Variants in GALNT13 observed in about 807,000 individuals in gnomAD.
GALNT13 encodes polypeptide N-acetylgalactosaminyltransferase 13.
A neutral mutation model predicts 64.2 loss-of-function variants in GALNT13; 28 were observed. The ratio of observed to expected loss-of-function variants is 0.44; its 90% CI spans 0.32 to 0.60. The LOEUF (loss-of-function observed/expected upper bound fraction) is 0.60, where lower values mean the gene tolerates loss of function less well. Ranked by LOEUF, GALNT13 falls within the 20% of genes least tolerant of loss-of-function variation. The pLI is 0.05. For synonymous variants in GALNT13, 214 were observed against 224.6 expected (o/e 0.95, Z 0.42); for missense variants, 577 against 669.8 (o/e 0.86, Z 1.53).
chr2:154,284,447 T>A (rs900501711), intron 8 of GALNT13, among the ~76,000 whole-genome samples: 1 of 152,032 alleles, frequency 6.6e-6, no homozygotes, highest in African/African-American at 2.4e-5. Flanking sequence ...ATTCCCTTCC[T>A]TTTTTCAGCT....
the GALNT13 span, among the ~76,000 whole-genome samples, chr2:153,562,070 G>C: frequency 4.6e-3 from 245 of 53,678 alleles, 1 homozygote; most frequent in African/African-American, 7.0e-3. Context: ...CTGTGTGTGT[G>C]TGTGTGTGTG....
the GALNT13 span, among the ~76,000 whole-genome samples, chr2:153,224,072 T>C: frequency 6.6e-6 from 1 of 151,852 alleles, no homozygotes; most frequent in African/African-American, 2.4e-5. Context: ...AAAAGAGAGA[T>C]TCAAAATGAA....
chr2:154,291,167 T>A (rs1692606677), intron 8 of GALNT13, among the ~76,000 whole-genome samples: 1 of 152,108 alleles, frequency 6.6e-6, no homozygotes, highest in Non-Finnish European at 1.5e-5. Context: ...ATCCTACTGA[T>A]TGGTCCATTT....
chr2:153,117,775 T>C, the GALNT13 span, among the ~76,000 whole-genome samples: 1 of 152,210 alleles, frequency 6.6e-6, no homozygotes, highest in African/African-American at 2.4e-5. Flanking sequence ...AAAGTCATCA[T>C]GGTCTTCCTC....
chr2:153,382,543 A>G, the GALNT13 span, among the ~76,000 whole-genome samples: 1 of 152,102 alleles, frequency 6.6e-6, no homozygotes, highest in Non-Finnish European at 1.5e-5. Flanking sequence ...CATGGTGTAT[A>G]TGTACTACAT....
At chr2:153,826,524 A>G in the GALNT13 span, among the ~76,000 whole-genome samples, 1 of 152,148 alleles carries the variant, frequency 6.6e-6, no homozygotes, top group African/African-American at 2.4e-5. Context: ...TACTTCCCCT[A>G]CAAGTGTTCC....
intron 10 of GALNT13, among the ~76,000 whole-genome samples, chr2:154,401,792 C>T (rs1699314053): frequency 6.6e-6 from 1 of 151,972 alleles, no homozygotes; most frequent in Admixed American, 6.6e-5. Flanking sequence ...ATGTTCTTTA[C>T]TTTTGGGGGG....
the GALNT13 span, among the ~76,000 whole-genome samples, chr2:153,460,256 GA>G: frequency 1.3e-5 from 2 of 152,038 alleles, no homozygotes; most frequent in Admixed American, 6.6e-5. Context: ...TTTATAGCAT[GA>G]AAAACCATAT....
At chr2:153,997,673 T>C (rs1392614813) in intron 3 of GALNT13, among the ~76,000 whole-genome samples, 2 of 152,200 alleles carry the variant, frequency 1.3e-5, no homozygotes, top group African/African-American at 4.8e-5. Context: ...CTTTAAGTTC[T>C]GGGATACATA....
intron 4 of GALNT13, among the ~76,000 whole-genome samples, chr2:154,229,199 G>T (rs1688785763): frequency 6.6e-6 from 1 of 151,978 alleles, no homozygotes; most frequent in Non-Finnish European, 1.5e-5. Context: ...CTTCCTTCCA[G>T]TCATAGCTTA....
At chr2:153,150,115 A>T in the GALNT13 span, among the ~76,000 whole-genome samples, 1 of 151,878 alleles carries the variant, frequency 6.6e-6, no homozygotes, top group South Asian at 2.1e-4. Flanking sequence ...GTATTGAATT[A>T]GTTCTCTTTT....
At chr2:153,479,184 C>A in the GALNT13 span, among the ~76,000 whole-genome samples, 9 of 152,118 alleles carry the variant, frequency 5.9e-5, no homozygotes, top group African/African-American at 9.7e-5. Context: ...TGGAAAGTGG[C>A]GATGAATCGC....
intron 4 of GALNT13, among the ~76,000 whole-genome samples, chr2:154,221,977 G>T (rs1394529020): frequency 1.3e-5 from 2 of 152,010 alleles, no homozygotes; most frequent in African/African-American, 4.8e-5. Flanking sequence ...TTCTTTTATA[G>T]TTGCTTGAAT....
At chr2:153,781,832 C>A in the GALNT13 span, among the ~76,000 whole-genome samples, 1 of 152,100 alleles carries the variant, frequency 6.6e-6, no homozygotes, top group Non-Finnish European at 1.5e-5. Context: ...TTGGATTAGA[C>A]ATCACTTCCA....
chr2:153,993,245 A>G (rs936239723), intron 3 of GALNT13, among the ~76,000 whole-genome samples: 3 of 152,202 alleles, frequency 2.0e-5, no homozygotes, highest in South Asian at 4.1e-4. Flanking sequence ...GATATTTACT[A>G]TAAATTAAAT....
the GALNT13 span, among the ~76,000 whole-genome samples, chr2:153,641,969 A>T: frequency 6.6e-6 from 1 of 151,998 alleles, no homozygotes; most frequent in African/African-American, 2.4e-5. Context: ...TTTTTCAAGA[A>T]TTTAGCATTT....
At chr2:154,375,911 A>G (rs2037659) in intron 9 of GALNT13, among the ~76,000 whole-genome samples, 73,038 of 152,070 alleles carry the variant, frequency 0.48, 18,022 homozygotes, top group Admixed American at 0.58. Flanking sequence ...TGTGCCGGCA[A>G]TGCATAACCT....
At chr2:153,179,788 T>C in the GALNT13 span, among the ~76,000 whole-genome samples, 1 of 152,160 alleles carries the variant, frequency 6.6e-6, no homozygotes, top group Non-Finnish European at 1.5e-5. Flanking sequence ...AAGTTTTTAA[T>C]AGTTATTGTA....
chr2:153,553,183 C>T, the GALNT13 span, among the ~76,000 whole-genome samples: 2 of 152,162 alleles, frequency 1.3e-5, no homozygotes, highest in African/African-American at 2.4e-5. Flanking sequence ...ATTGGTAATA[C>T]CAAATCTAGC....
Sources: gnomAD v4.1 joint callset for allele counts (sites outside exome capture counted in the v4.1 genomes callset) on GRCh38, gnomAD v4.1.1 for gene constraint, MANE v1.5 for transcripts, NCBI Gene and HGNC (gene_info 2026-07-23, HGNC 2026-07-21) for gene names.